Variants in FYCO1 observed in about 807,000 individuals in gnomAD.
FYCO1 encodes the protein FYVE and coiled-coil domain-containing protein 1.
Under a neutral mutation model 165.1 loss-of-function variants are expected in FYCO1, and 122 were observed. The ratio of observed to expected loss-of-function variants is 0.74; its 90% CI spans 0.64 to 0.86. The LOEUF is 0.86. FYCO1 is among the 40% of genes least tolerant of loss of function. The pLI is 0.00. For missense variants in FYCO1, 1,702 were observed against 1,810.3 expected, an observed-to-expected ratio of 0.94 and a Z score of 1.09; for synonymous variants, 648 against 742.5, an observed-to-expected ratio of 0.87 and a Z score of 2.07.
intron 16 of FYCO1, among the ~76,000 whole-genome samples, chr3:45,924,844 C>A (rs1404723010): frequency 6.6e-6 from 1 of 152,046 alleles, no homozygotes; most frequent in Non-Finnish European, 1.5e-5. Flanking sequence ...AACTCCTGAC[C>A]TCAGGTGATC....
chr3:45,948,732 G>A (rs933451410), intron 14 of FYCO1, among the ~76,000 whole-genome samples: 6 of 152,302 alleles, frequency 3.9e-5, no homozygotes, highest in South Asian at 2.1e-4. Context: ...AGTAGAATGC[G>A]CAGAGAAGTA....
intron 16 of FYCO1, among the ~76,000 whole-genome samples, chr3:45,927,979 A>T (rs1359379863): frequency 1.3e-5 from 2 of 152,260 alleles, no homozygotes; most frequent in Admixed American, 1.3e-4. Context: ...TCTTTAAAAC[A>T]TCTTACTCTG....
At chr3:45,961,568 ACT>A (rs1406600836) in intron 11 of FYCO1, among the ~76,000 whole-genome samples, 1 of 151,138 alleles carries the variant, frequency 6.6e-6, no homozygotes, top group African/African-American at 2.4e-5. Flanking sequence ...ACAGAGTGAG[ACT>A]CTGTCTCAAA....
Position 45,966,686 on chromosome 3 carries a change from C to T in FYCO1, c.2648G>A (p.Ser883Asn). ...LQEELSQAKC[S>N]SEEAQLEHAE... is the part of the protein sequence containing the mutation. ...GTGCTCCAGCTGTGCTTCCTCGGAG[C>T]TGCATTTGGCCTGGGACAGCTCCTC... is the stretch of plus-strand genomic sequence containing the variant. The change falls in exon 8 of 18, where the codon AGC becomes AAC. Residue 883 changes from serine (S) to asparagine (N), a missense_variant. Ser to Asn is a conservative substitution (Grantham distance 46, BLOSUM62 1). Transcript: ENST00000296137. 22 of 1,613,934 alleles carry T rather than the reference C, an allele frequency of 1.4e-5. No individual in the cohort carries two copies. Among genetic ancestry groups the T allele is most frequent in the Non-Finnish European group, 1.9e-5 (22 of 1,180,006 alleles).
Position 45,962,160 on chromosome 3 carries a change from C to T in FYCO1, c.3437+65G>A, listed in dbSNP as rs199993429. The T allele has an allele frequency of 6.1e-4, 937 of 1,534,798 alleles. 2 individuals carry two copies. The highest frequency in any genetic ancestry group is 8.0e-4 in the Non-Finnish European group (885 of 1,108,252). On this transcript the variant is annotated intron_variant, in intron 11 of 17. Transcript: ENST00000296137. This position sits in a 1 kb window ranked among gnomAD's most constrained non-coding sequence, Gnocchi z 4.4. ...TGAAGTATGCTTTCAAGAACAGCTG[C>T]ATTTCTTTAGAGAAAAACCCCAGTG...
At chr3:45,945,254 A>G (rs1213146559) in intron 14 of FYCO1, 1 of 152,246 alleles carries the variant, frequency 6.6e-6, no homozygotes, top group East Asian at 1.9e-4. Flanking sequence ...ATTCTGTCCA[A>G]ACACCTGCTC....
intron 16 of FYCO1, among the ~76,000 whole-genome samples, chr3:45,925,657 G>C (rs752898205): frequency 2.0e-5 from 3 of 152,158 alleles, no homozygotes; most frequent in Admixed American, 6.5e-5. Flanking sequence ...TTCCCACAAA[G>C]GACTCTGCCC....
intron 4 of FYCO1, among the ~76,000 whole-genome samples, chr3:45,976,976 A>G (rs1706791608): frequency 6.6e-6 from 1 of 152,228 alleles, no homozygotes; most frequent in South Asian, 2.1e-4. Flanking sequence ...AAAAACCACC[A>G]TGACATGTCT....
chr3:45,954,219 G>T (rs139186491), intron 14 of FYCO1, among the ~76,000 whole-genome samples: 34 of 151,748 alleles, frequency 2.2e-4, no homozygotes, highest in Middle Eastern at 3.4e-3. Flanking sequence ...CATTTTTTGG[G>T]GGGGGTAAGG....
chr3:45,981,663 T>C lies in FYCO1; in HGVS notation c.69A>G (p.Glu23=). Residue 23 remains glutamate, a synonymous_variant, in exon 3 of 18, where the codon GAA becomes GAG. Coordinates refer to ENST00000296137, the MANE Select transcript of FYCO1 (RefSeq NM_024513.4). ...IIRDLQDAVT[E]LSKEFQEAGE... ...CTGCTTCCTGAAATTCTTTGCTTAG[T>C]TCTGTCACAGCATCTTTAAGACAAC... The C allele has an allele frequency of 6.2e-7, 1 of 1,611,678 alleles. No homozygotes were observed. The highest frequency in any genetic ancestry group is 2.2e-5 in the East Asian group (1 of 44,878).
chr3:45,946,481 C>T, intron 14 of FYCO1: 1 of 1,610,992 alleles, frequency 6.2e-7, no homozygotes, highest in Non-Finnish European at 8.5e-7. Flanking sequence ...GAACAGACAC[C>T]ATGGCAGAGC....
chr3:45,931,468 C>T (rs1294113939), intron 15 of FYCO1, among the ~76,000 whole-genome samples, 187 bp from the exon 16 acceptor site: 2 of 152,124 alleles, frequency 1.3e-5, no homozygotes, highest in Non-Finnish European at 2.9e-5. Flanking sequence ...GCTTCCTGAG[C>T]GCTAACTACA....
intron 14 of FYCO1, among the ~76,000 whole-genome samples, chr3:45,944,128 G>A (rs1371746898): frequency 2.0e-5 from 3 of 152,058 alleles, no homozygotes; most frequent in Non-Finnish European, 4.4e-5. Flanking sequence ...CAGAATACAT[G>A]GCAGAAGGAT....
In FYCO1 at chr3:45,979,708, T is replaced by C. The variant is rs537289727; in HGVS notation, c.285A>G (p.Ser95=). 9 of 1,613,852 alleles carry C rather than the reference T, an allele frequency of 5.6e-6. No homozygotes were observed. In the Admixed American group the frequency reaches 8.3e-5, roughly 15 times the overall value. ...NDGIRFVKSI[S]ELRTSLGKGR... is the part of the protein sequence containing the mutation. ...GTTGGCTGCTTGCTCAGCTTACCTC[T>C]GAGATAGACTTGACAAAGCGGATCC... Residue 95 remains serine (S), a synonymous_variant, in exon 4 of 18, where the codon TCA becomes TCG. Transcript: ENST00000296137.
In FYCO1 at chr3:45,942,018, G is replaced by A. The variant is rs56371635; in HGVS notation, c.3945-5475C>T. ...CATTCCCTACATCCATCTGTCCATCGGTATGTAGTCTATGCGGCCTCATGG... is the reference window on the plus strand; with the variant it reads ...CATTCCCTACATCCATCTGTCCATCAGTATGTAGTCTATGCGGCCTCATGG... On this transcript the variant is annotated intron_variant, in intron 14 of 17. Coordinates refer to ENST00000296137, the MANE Select transcript of FYCO1 (RefSeq NM_024513.4). Among the ~76,000 whole-genome samples, 452 of 152,302 alleles carry A rather than the reference G, an allele frequency of 3.0e-3. 1 individual carries two copies. The highest frequency in any genetic ancestry group is 6.9e-3 in the African/African-American group (285 of 41,574).
chr3:45,973,170 G>T lies in FYCO1; in HGVS notation c.457C>A (p.Gln153Lys). 1 of 1,614,176 alleles carries T rather than the reference G, an allele frequency of 6.2e-7. No homozygotes were observed. Among genetic ancestry groups the T allele is most frequent in the Non-Finnish European group, 8.5e-7 (1 of 1,180,012 alleles). Residue 153 changes from glutamine to lysine, a missense_variant, in exon 6 of 18, where the codon CAA (glutamine) becomes AAA (lysine). Transcript: ENST00000296137. ...TGAACCTCAGTCAGCTCATAGAGTT[G>T]GCCCACAATGTCCGAGCTCAGCTTT... ...QPKLSSDIVG[Q>K]LYELTEVQFD...
At chr3:45,972,959 G>C in intron 6 of FYCO1, 129 bp downstream of exon 6, 3 of 920,686 alleles carry the variant, frequency 3.3e-6, no homozygotes, top group Non-Finnish European at 3.4e-6. Flanking sequence ...AAAGGAGCTG[G>C]AATAAGAGTT....
At position 45,958,639 on chromosome 3, in the gene FYCO1, A is replaced by C. The variant is rs773693544; in HGVS notation, c.3588-20T>G. On this transcript the variant is annotated intron_variant, in intron 12 of 17. Coordinates refer to ENST00000296137, the MANE Select transcript of FYCO1 (RefSeq NM_024513.4). ...CATATCCTGGGAACAAAACAAGCCC[A>C]GGCTGTGAGGATGACACACTATGAT... The C allele has an allele frequency of 2.5e-6, 4 of 1,612,102 alleles. No homozygotes were observed. The East Asian group carries it at 8.9e-5, about 36-fold the overall frequency.
rs748767609 is a variant in FYCO1 at position 45,964,490 on chromosome 3, G to C, written c.3151-36C>G. ...ACGTCAGGGAGAAGACACTCAGCTTGCAGAAGGCCATGCAACGTACCATAA... is the reference window on the plus strand; with the variant it reads ...ACGTCAGGGAGAAGACACTCAGCTTCCAGAAGGCCATGCAACGTACCATAA... On this transcript the variant is annotated intron_variant, in intron 9 of 17. Coordinates refer to ENST00000296137, the MANE Select transcript of FYCO1 (RefSeq NM_024513.4). This position sits in a 1 kb window ranked among gnomAD's most constrained non-coding sequence, Gnocchi z 4.1. 11 of 1,612,604 alleles carry C rather than the reference G, an allele frequency of 6.8e-6. No homozygotes were observed. Among genetic ancestry groups the C allele is most frequent in the Non-Finnish European group, 6.8e-6 (8 of 1,179,378 alleles).
Sources: allele counts gnomAD v4.1 joint callset (sites outside exome capture counted in the v4.1 genomes callset), GRCh38; gene constraint gnomAD v4.1.1; non-coding constraint Gnocchi (gnomAD v3.1); transcripts MANE v1.5; gene names NCBI Gene and HGNC (gene_info 2026-07-23, HGNC 2026-07-21).